The following ADAMTS5 variants were observed in gnomAD, a reference collection of about 807,000 sequenced individuals.
ADAMTS5 encodes the protein A disintegrin and metalloproteinase with thrombospondin motifs 5.
A neutral mutation model predicts 81.4 loss-of-function variants in ADAMTS5; 54 were observed. The ratio of observed to expected loss-of-function variants is 0.66; its 90% confidence interval spans 0.53 to 0.83. The LOEUF is 0.83. Ranked by LOEUF, ADAMTS5 falls within the 40% of genes least tolerant of loss-of-function variation. The pLI is 0.00. For synonymous variants in ADAMTS5, 532 were observed against 508.8 expected (o/e 1.05, Z -0.61); for missense variants, 1,194 against 1,229.9 (o/e 0.97, Z 0.44).
At chr21:26,926,040 T>C (rs1470574479) in intron 7 of ADAMTS5, among the ~76,000 whole-genome samples, 1 of 152,190 alleles carries the variant, frequency 6.6e-6, no homozygotes, top group Non-Finnish European at 1.5e-5. Context: ...AAAAGGGATG[T>C]TGGAGAATTC....
In ADAMTS5 at chr21:26,963,830, G is replaced by GA. The variant is rs1378363280; in HGVS notation, c.1104+1457dup. Among the ~76,000 whole-genome samples the GA allele has an allele frequency of 3.3e-5, 5 of 152,122 alleles. No homozygotes were observed. In the East Asian group the frequency reaches 9.7e-4, roughly 29 times the overall value. On this transcript the variant is annotated intron_variant, in intron 1 of 7. Transcript: ENST00000284987. ...GGCTTCCAGAAAATCACTTAATGAG[G>GA]AAAAAAATGTTTTCCATTGTGCACA...
Position 26,949,814 on chromosome 21 carries a change from C to A in ADAMTS5, c.1237+4925G>T, listed in dbSNP as rs570289469. ...CTTGTTGATTAAAGCAATGGGTTTG[C>A]GGGAAAATATCAAGTTTAATCCTAG... On this transcript the variant is annotated intron_variant, in intron 2 of 7. Transcript: ENST00000284987. Among the ~76,000 whole-genome samples, 88 of 152,252 alleles carry A rather than the reference C, an allele frequency of 5.8e-4. 3 individuals carry two copies. In the South Asian group the frequency reaches 0.018, roughly 31 times the overall value.
intron 4 of ADAMTS5, among the ~76,000 whole-genome samples, chr21:26,933,616 C>T (rs1986955809): frequency 1.3e-5 from 2 of 152,238 alleles, no homozygotes; most frequent in South Asian, 4.1e-4. Flanking sequence ...GAAATGCACT[C>T]ACGCCATACA....
At chr21:26,949,154 TCA>T (rs1042110545) in intron 2 of ADAMTS5, among the ~76,000 whole-genome samples, 2 of 149,090 alleles carry the variant, frequency 1.3e-5, no homozygotes, top group Non-Finnish European at 3.0e-5. Flanking sequence ...TATATATATA[TCA>T]CACATATATC....
In ADAMTS5 at chr21:26,922,601, A is replaced by G. The variant is rs1986720951; in HGVS notation, c.*1452T>C. 6.6e-6 allele frequency: 1 copy of G among 152,084 alleles called. No homozygotes were observed. Among genetic ancestry groups the G allele is most frequent in the Admixed American group, 6.6e-5 (1 of 15,262 alleles). The allele number at this position is 152,084 out of a possible 1,614,324, so 9.4% of individuals were successfully genotyped here. On this transcript the variant is annotated 3_prime_UTR_variant, in exon 8 of 8. Transcript: ENST00000284987. ...TTGGTGATGGGGGGGTGTACATTTT[A>G]TCATCTAAAAAGATATCTTTAGGTG...
chr21:26,943,250 T>G (rs1053676441), intron 3 of ADAMTS5, 130 bp downstream of exon 3: 7 of 951,558 alleles, frequency 7.4e-6, no homozygotes, highest in Admixed American at 3.1e-5. Context: ...TTCTTGGTCT[T>G]TCTTCTGACA....
chr21:26,919,276 T>A lies in ADAMTS5; in HGVS notation c.*4777A>T, dbSNP rs1281063622. The stretch of plus-strand genomic sequence containing the variant: ...CACAGTTTTCCTCACAGTGTTAGAC[T>A]TTTAGGTCACTCTGATGTAGCAGTA... On this transcript the variant is annotated 3_prime_UTR_variant, in exon 8 of 8. Transcript: ENST00000284987. 6.6e-6 allele frequency: 1 copy of A among 151,648 alleles called. No homozygotes were observed. Among genetic ancestry groups the A allele is most frequent in the African/African-American group, 2.4e-5 (1 of 41,316 alleles). The allele number at this position is 151,648 out of a possible 1,614,324, so 9.4% of individuals were successfully genotyped here.
At position 26,924,510 on chromosome 21, in the gene ADAMTS5, T is replaced by C. The variant is rs745582595; in HGVS notation, c.2336A>G (p.Lys779Arg). Residue 779 changes from lysine to arginine, a missense_variant, in exon 8 of 8, where the codon AAG becomes AGG. Lys to Arg is a conservative substitution (Grantham distance 26, BLOSUM62 2). This residue lies in a region of ADAMTS5 where 696 missense variants were observed against 817.6 expected (regional missense o/e 0.85). Transcript: ENST00000284987. The stretch of plus-strand genomic sequence containing the variant: ...ATTGATAAGGTACTCACCGTTTTTC[T>C]TTTTCAGGGCTAAATAGGCAGTGAA... ...TRFTAYLALK[K>R]KNGEYLINGK... 1.9e-6 allele frequency: 3 copies of C among 1,614,184 alleles called. No individual in the cohort carries two copies. The highest frequency in any genetic ancestry group is 2.5e-6 in the Non-Finnish European group (3 of 1,180,016).
chr21:26,957,904 A>C (rs1987458735), intron 1 of ADAMTS5, among the ~76,000 whole-genome samples: 1 of 152,302 alleles, frequency 6.6e-6, no homozygotes, highest in Non-Finnish European at 1.5e-5. Flanking sequence ...AAATATGGCC[A>C]AGCTTGTGAT....
intron 6 of ADAMTS5, 107 bp downstream of exon 6, chr21:26,931,897 C>A: frequency 1.7e-6 from 2 of 1,176,902 alleles, no homozygotes; most frequent in African/African-American, 1.5e-5. Flanking sequence ...CAAAATCTAA[C>A]TGACCCCAAA....
chr21:26,930,620 G>A (rs1193187971), intron 6 of ADAMTS5, among the ~76,000 whole-genome samples: 4 of 152,090 alleles, frequency 2.6e-5, no homozygotes, highest in Admixed American at 6.5e-5. Flanking sequence ...TTAGATGAAC[G>A]GACTTACTGG....
chr21:26,965,970 C>G lies in ADAMTS5; in HGVS notation c.422G>C (p.Arg141Pro). Residue 141 changes from arginine (R) to proline (P), a missense_variant, in exon 1 of 8, where the codon CGC (arginine) becomes CCC (proline). Physicochemically the swap from Arg to Pro is moderately radical, Grantham distance 103. Transcript: ENST00000284987. Reference sequence around the variant, plus strand: ...ACAGAGGTCAAAGACAGCCAGAGAGCGGGGACTACCGTCCACTGTGCCCCG... The same window carrying G: ...ACAGAGGTCAAAGACAGCCAGAGAGGGGGGACTACCGTCCACTGTGCCCCG... ...FYRGTVDGSP[R>P]SLAVFDLCGG... is the part of the protein sequence containing the mutation. 1 of 1,613,094 alleles carries G rather than the reference C, an allele frequency of 6.2e-7. No individual in the cohort carries two copies. The highest frequency in any genetic ancestry group is 1.3e-5 in the African/African-American group (1 of 75,054).
In ADAMTS5 at chr21:26,923,337, G is replaced by A. The variant is rs937051010; in HGVS notation, c.*716C>T. 2 of 139,570 alleles carry A rather than the reference G, an allele frequency of 1.4e-5. No homozygotes were observed. Among genetic ancestry groups the A allele is most frequent in the African/African-American group, 2.5e-5 (1 of 40,306 alleles). The allele number at this position is 139,570 out of a possible 1,614,324, so 8.6% of individuals were successfully genotyped here. Reference sequence around the variant, plus strand: ...CCTGAAAAAAATACAGGCAGTCAAAGGTTTAAGTAAATGAACCCGTGTATG... The same window carrying A: ...CCTGAAAAAAATACAGGCAGTCAAAAGTTTAAGTAAATGAACCCGTGTATG... On this transcript the variant is annotated 3_prime_UTR_variant, in exon 8 of 8. Transcript: ENST00000284987.
chr21:26,926,010 T>C (rs970944060), intron 7 of ADAMTS5, among the ~76,000 whole-genome samples: 2 of 152,252 alleles, frequency 1.3e-5, no homozygotes, highest in African/African-American at 4.8e-5. Context: ...CATGAAACTA[T>C]AGTGGCTTCA....
rs755042708 is a variant in ADAMTS5 at position 26,932,168 on chromosome 21, G to A, written c.1885C>T (p.Arg629Cys). ...MPCPPNGKSF[R>C]HEQCEAKNGY... ...TTTTTGGCCTCACACTGTTCATGACGAAATGATTTACCTAGAAAACAAACA... is the reference window on the plus strand; with the variant it reads ...TTTTTGGCCTCACACTGTTCATGACAAAATGATTTACCTAGAAAACAAACA... Residue 629 changes from arginine (R) to cysteine (C), a missense_variant, in exon 6 of 8, where the codon CGT becomes TGT. Coordinates refer to ENST00000284987, the MANE Select transcript of ADAMTS5 (RefSeq NM_007038.5). 2.5e-6 allele frequency: 4 copies of A among 1,611,994 alleles called. No individual in the cohort carries two copies. Among genetic ancestry groups the A allele is most frequent in the South Asian group, 1.1e-5 (1 of 90,624 alleles).
rs188471335 is a variant in ADAMTS5, at chr21:26,935,149, C to G, written c.1406-400G>C. On this transcript the variant is annotated intron_variant, in intron 3 of 7. Transcript: ENST00000284987. Reference sequence around the variant, plus strand: ...AATGATAATGAAGCATTTACTCTACCACTTTGAGAAACAGAGTTTGTCCTT... The same window carrying G: ...AATGATAATGAAGCATTTACTCTACGACTTTGAGAAACAGAGTTTGTCCTT... 5.4e-4 allele frequency among the ~76,000 whole-genome samples: 82 copies of G among 152,126 alleles called. 1 individual carries two copies. Among genetic ancestry groups the G allele is most frequent in the Admixed American group, 5.4e-3 (82 of 15,270 alleles).
chr21:26,964,247 G>A (rs368287624), intron 1 of ADAMTS5, among the ~76,000 whole-genome samples: 1 of 152,166 alleles, frequency 6.6e-6, no homozygotes, highest in African/African-American at 2.4e-5. Context: ...GTCGAGTTGT[G>A]ACAACTGAGG....
intron 2 of ADAMTS5, among the ~76,000 whole-genome samples, chr21:26,952,164 G>A (rs938530352): frequency 6.6e-6 from 1 of 152,088 alleles, no homozygotes; most frequent in African/African-American, 2.4e-5. Context: ...GAATTACAGG[G>A]ACTTCTAAAG....
At chr21:26,963,559 C>A (rs2123210400) in intron 1 of ADAMTS5, among the ~76,000 whole-genome samples, 1 of 143,528 alleles carries the variant, frequency 7.0e-6, no homozygotes, top group African/African-American at 2.6e-5. Context: ...AACCTCCTTC[C>A]ATAAACTCTC....
Sources: allele counts gnomAD v4.1 joint callset (sites outside exome capture counted in the v4.1 genomes callset), GRCh38; gene constraint gnomAD v4.1.1; regional missense constraint gnomAD v4.1.1; transcripts MANE v1.5; gene names NCBI Gene and HGNC (gene_info 2026-07-23, HGNC 2026-07-21).